SYT14: variants seen among roughly 807,000 people sequenced by gnomAD.
SYT14 encodes the protein synaptotagmin 14, also known as synaptotagmin-14.
A neutral mutation model predicts 74.2 loss-of-function variants in SYT14; 32 were observed. That is an observed-to-expected ratio of 0.43 (90% CI 0.33 to 0.58). The LOEUF (loss-of-function observed/expected upper bound fraction) is 0.58, where lower values mean the gene tolerates loss of function less well. SYT14 is among the 20% of genes least tolerant of loss of function. The probability of loss-of-function intolerance (pLI) is 0.05; values close to 1 mark genes in which losing one functional copy is unlikely to be tolerated. For missense variants in SYT14, 791 were observed against 981.8 expected (o/e 0.81, Z 2.60); for synonymous variants, 298 against 337.7 (o/e 0.88, Z 1.29).
chr1:210,094,433 G>A lies in SYT14; in HGVS notation c.1424G>A (p.Gly475Glu), dbSNP rs143386386. 17 of 1,613,720 alleles carry A rather than the reference G, an allele frequency of 1.1e-5. No homozygotes were observed. The highest frequency in any genetic ancestry group is 5.3e-5 in the African/African-American group (4 of 74,852). ...CTGTCATGTACACCCTCAGAAATTG[G>A]GGACAGTAAATGTGAATTTTCCCAC... is the stretch of plus-strand genomic sequence containing the variant. The change falls in exon 6 of 10, where the codon GGG (glycine) becomes GAG (glutamate). Residue 475 changes from glycine to glutamate, a missense_variant. Coordinates refer to ENST00000637265, the Ensembl canonical transcript of SYT14.
chr1:210,081,912 A>G (rs2102482650), intron 5 of SYT14, among the ~76,000 whole-genome samples: 1 of 152,348 alleles, frequency 6.6e-6, no homozygotes, highest in East Asian at 1.9e-4. Context: ...TTAAAGATGA[A>G]TATGATTAAG....
chr1:210,044,641 C>T (rs1020077731), intron 5 of SYT14, among the ~76,000 whole-genome samples: 4 of 152,168 alleles, frequency 2.6e-5, no homozygotes, highest in Non-Finnish European at 5.9e-5. Context: ...ATAAAAGTAT[C>T]TCTGAAGATT....
intron 5 of SYT14, among the ~76,000 whole-genome samples, chr1:210,059,164 T>C (rs1258985931): frequency 6.6e-6 from 1 of 151,978 alleles, no homozygotes; most frequent in Non-Finnish European, 1.5e-5. Flanking sequence ...CTAGATTCTT[T>C]ACTAACAGAA....
intron 5 of SYT14, among the ~76,000 whole-genome samples, chr1:210,058,278 C>A (rs2081136870): frequency 6.6e-6 from 1 of 152,150 alleles, no homozygotes. Context: ...GCTCCCACTC[C>A]CACACCATAT....
At chr1:209,957,888 A>T (rs1319847856) in intron 2 of SYT14, among the ~76,000 whole-genome samples, 1 of 151,954 alleles carries the variant, frequency 6.6e-6, no homozygotes, top group African/African-American at 2.4e-5. Context: ...TTTAATGTTA[A>T]TTTAGTCTAA....
intron 7 of SYT14, among the ~76,000 whole-genome samples, chr1:210,151,696 T>C (rs1329808871): frequency 6.6e-6 from 1 of 152,196 alleles, no homozygotes; most frequent in African/African-American, 2.4e-5. Flanking sequence ...TAATGAACTC[T>C]TCTAGATAAT....
intron 5 of SYT14, 21 bp from the exon 5 acceptor site, chr1:210,094,301 C>T: frequency 3.1e-6 from 5 of 1,613,594 alleles, no homozygotes; most frequent in East Asian, 2.2e-5. Context: ...AAACAGTGAC[C>T]AGATTCTTAA....
chr1:210,062,706 A>G (rs1441194694), intron 5 of SYT14, among the ~76,000 whole-genome samples: 1 of 151,970 alleles, frequency 6.6e-6, no homozygotes, highest in East Asian at 1.9e-4. Flanking sequence ...GGTAGAAAAC[A>G]GTTCATTCTA....
chr1:210,015,371 A>G (rs962532970), intron 3 of SYT14, among the ~76,000 whole-genome samples: 1 of 152,100 alleles, frequency 6.6e-6, no homozygotes, highest in Admixed American at 6.5e-5. Flanking sequence ...AATTTTTCTG[A>G]GCCTTGTTTT....
chr1:210,027,635 C>A (rs1204170984), intron 5 of SYT14, among the ~76,000 whole-genome samples: 1 of 152,044 alleles, frequency 6.6e-6, no homozygotes, highest in Non-Finnish European at 1.5e-5. Flanking sequence ...GTCAACCATA[C>A]ATGTTTATTT....
chr1:210,133,275 G>A lies in SYT14; in HGVS notation c.2035-22446G>A, dbSNP rs1029860751. 3.0e-4 allele frequency among the ~76,000 whole-genome samples: 46 copies of A among 152,182 alleles called. 1 individual carries two copies. Among genetic ancestry groups the A allele is most frequent in the African/African-American group, 9.9e-4 (41 of 41,460 alleles). On this transcript the variant is annotated intron_variant, in intron 7 of 9. Transcript: ENST00000637265. ...AGTTTGGGAGGCAGTGACTTTTGCT[G>A]TATTCCACTGGGATATAGGTTCTTC...
intron 2 of SYT14, among the ~76,000 whole-genome samples, chr1:210,012,900 C>T (rs1156526466): frequency 6.6e-6 from 1 of 151,896 alleles, no homozygotes; most frequent in Non-Finnish European, 1.5e-5. Flanking sequence ...CAGGGTTTCG[C>T]CACATTGGCC....
chr1:209,998,102 A>C (rs1216111591), intron 2 of SYT14, among the ~76,000 whole-genome samples: 1 of 152,110 alleles, frequency 6.6e-6, no homozygotes, highest in Non-Finnish European at 1.5e-5. Context: ...AAAAAGTATT[A>C]ATCATTTTTA....
intron 2 of SYT14, among the ~76,000 whole-genome samples, chr1:209,957,733 T>C (rs895393173): frequency 1.2e-4 from 18 of 152,218 alleles, no homozygotes; most frequent in African/African-American, 4.1e-4. Context: ...AGCCTGTAGA[T>C]TTTTTCCTTC....
intron 5 of SYT14, among the ~76,000 whole-genome samples, chr1:210,078,071 G>A (rs1238785977): frequency 1.3e-5 from 2 of 152,124 alleles, no homozygotes; most frequent in Non-Finnish European, 2.9e-5. Context: ...AGCACTTTGG[G>A]AGGCCGAGGC....
At position 210,080,761 on chromosome 1, in the gene SYT14, A is replaced by C. The variant is rs139030708; in HGVS notation, c.1313-13561A>C. Reference sequence around the variant, plus strand: ...GTTAAATGTTAACATAGTGCAATACATTGTAAATGATGGAAGCAACGTGTG... The same window carrying C: ...GTTAAATGTTAACATAGTGCAATACCTTGTAAATGATGGAAGCAACGTGTG... On this transcript the variant is annotated intron_variant, in intron 5 of 9. Transcript: ENST00000637265. 4.3e-3 allele frequency among the ~76,000 whole-genome samples: 654 copies of C among 152,340 alleles called. 3 individuals are homozygous for C. Among genetic ancestry groups the C allele is most frequent in the African/African-American group, 0.014 (599 of 41,574 alleles).
At chr1:210,097,345 G>A (rs1019863155) in intron 6 of SYT14, among the ~76,000 whole-genome samples, 2 of 152,040 alleles carry the variant, frequency 1.3e-5, no homozygotes, top group East Asian at 1.9e-4. Flanking sequence ...GTTTATAAAC[G>A]CTGTTGATAA....
At chr1:209,996,685 A>T (rs578010741) in intron 2 of SYT14, among the ~76,000 whole-genome samples, 9 of 152,038 alleles carry the variant, frequency 5.9e-5, no homozygotes, top group Non-Finnish European at 8.8e-5. Context: ...TATCCTGAAC[A>T]TATTGATGAA....
rs565745356 is a variant in SYT14, at chr1:210,089,789, A to G, written c.1313-4533A>G. Among the ~76,000 whole-genome samples the G allele has an allele frequency of 3.9e-5, 6 of 152,354 alleles. No homozygotes were observed. The East Asian group carries it at 1.2e-3, about 29-fold the overall frequency. ...CTTGGTGTTTTGAACAAAGAATTGG[A>G]CAAAATGCATGAACAAAGCAACGAA... On this transcript the variant is annotated intron_variant, in intron 5 of 9. Transcript: ENST00000637265.
Sources: gnomAD v4.1 joint callset for allele counts (sites outside exome capture counted in the v4.1 genomes callset) on GRCh38, gnomAD v4.1.1 for gene constraint, MANE v1.5 for transcripts, NCBI Gene and HGNC (gene_info 2026-07-23, HGNC 2026-07-21) for gene names.